The following NAT10 variants were observed in gnomAD, a reference collection of about 807,000 sequenced individuals.
The protein encoded by NAT10 is RNA cytidine acetyltransferase.
Under a neutral mutation model 132.2 loss-of-function variants are expected in NAT10, and 109 were observed. That is an observed-to-expected ratio of 0.82 (90% confidence interval 0.71 to 0.97). The LOEUF is 0.97. Ranked by LOEUF, NAT10 falls within the 50% of genes least tolerant of loss-of-function variation. The pLI is 0.00. For missense variants in NAT10, 1,184 were observed against 1,263.4 expected (o/e 0.94, Z 0.95); for synonymous variants, 479 against 478.0 (o/e 1.00, Z -0.03).
chr11:34,132,991 A>G (rs999613243), intron 15 of NAT10, 35 bp from the exon 16 acceptor site: 2 of 1,533,902 alleles, frequency 1.3e-6, no homozygotes, highest in South Asian at 1.1e-5. Flanking sequence ...CAAGAGGAAG[A>G]GTGCTTCTCA....
chr11:34,134,040 T>C (rs1262325212), intron 16 of NAT10, among the ~76,000 whole-genome samples: 1 of 150,854 alleles, frequency 6.6e-6, no homozygotes, highest in African/African-American at 2.4e-5. Context: ...GGTAGGCACC[T>C]GTAGTCCCAG....
chr11:34,139,361 ACT>A, intron 22 of NAT10, 22 bp from the exon 23 acceptor site: 5 of 1,613,208 alleles, frequency 3.1e-6, no homozygotes, highest in Non-Finnish European at 4.2e-6. Context: ...CAGACCTCTA[ACT>A]CTGCGTGATG....
intron 24 of NAT10, 111 bp downstream of exon 24, chr11:34,140,683 C>A: frequency 8.0e-7 from 1 of 1,247,556 alleles, no homozygotes; most frequent in Non-Finnish European, 1.1e-6. Context: ...ATTCCTCATA[C>A]ATCTGATAGG....
rs1228132305 is a variant in NAT10 at position 34,134,623 on chromosome 11, T to C, written c.1911+37T>C. The stretch of plus-strand genomic sequence containing the variant: ...TCAGGCTCCCCTGAAGCCGTGTTGC[T>C]GGCGGTGCTTTAGGGTGGGGGTACT... On this transcript the variant is annotated intron_variant, in intron 18 of 28. Coordinates refer to ENST00000257829, the MANE Select transcript of NAT10 (RefSeq NM_024662.3). The C allele has an allele frequency of 2.5e-6, 4 of 1,588,366 alleles. No individual in the cohort carries two copies. The Admixed American group carries it at 5.1e-5, about 20-fold the overall frequency.
At chr11:34,133,728 T>G (rs1852150202) in intron 16 of NAT10, among the ~76,000 whole-genome samples, 1 of 152,184 alleles carries the variant, frequency 6.6e-6, no homozygotes, top group African/African-American at 2.4e-5. Context: ...GCATCCTGTG[T>G]CTTGATGGCC....
chr11:34,141,660 G>A (rs1852334013), intron 25 of NAT10, 59 bp from the exon 26 acceptor site: 7 of 1,500,366 alleles, frequency 4.7e-6, no homozygotes, highest in Non-Finnish European at 6.5e-6. Flanking sequence ...CTGGGTCACG[G>A]GTGACTGGGT....
chr11:34,126,661 A>G (rs1371239699), intron 11 of NAT10, among the ~76,000 whole-genome samples: 3 of 152,204 alleles, frequency 2.0e-5, no homozygotes, highest in Non-Finnish European at 4.4e-5. Flanking sequence ...TTTAACAGCT[A>G]TTTAAGTTTT....
In NAT10 at chr11:34,138,984, C is replaced by A. The variant is rs1852268383; in HGVS notation, c.2212-207C>A. The stretch of plus-strand genomic sequence containing the variant: ...TTTGAGGAGATTGCAGGACAGTGAT[C>A]TTTGCAGCTGTTGTGTGTGAACTGA... On this transcript the variant is annotated intron_variant, in intron 21 of 28. Transcript: ENST00000257829. 2.7e-5 allele frequency: 15 copies of A among 559,704 alleles called. No individual in the cohort carries two copies. The East Asian group carries it at 4.1e-4, about 15-fold the overall frequency. 34.7% of individuals were successfully genotyped at this position (559,704 alleles called of 1,614,324 possible). A position where few individuals can be genotyped will look rare whatever the true frequency, so the allele number is the denominator to read the frequency against.
chr11:34,118,916 C>T (rs1851835031), intron 8 of NAT10, among the ~76,000 whole-genome samples: 1 of 152,134 alleles, frequency 6.6e-6, no homozygotes, highest in Non-Finnish European at 1.5e-5. Flanking sequence ...GGACAGATTA[C>T]ATTGAAAGAG....
At chr11:34,107,487 A>G (rs943311964) in intron 1 of NAT10, among the ~76,000 whole-genome samples, 2 of 152,248 alleles carry the variant, frequency 1.3e-5, no homozygotes, top group Non-Finnish European at 2.9e-5. Flanking sequence ...TAAAAGTCCC[A>G]CCATCCAGAA....
Position 34,136,683 on chromosome 11 carries a change from C to A in NAT10, c.2070C>A (p.Asp690Glu). 6.2e-7 allele frequency: 1 copy of A among 1,614,190 alleles called. No individual in the cohort carries two copies. Among genetic ancestry groups the A allele is most frequent in the Non-Finnish European group, 8.5e-7 (1 of 1,180,038 alleles). The change falls in exon 20 of 29, where the codon GAC becomes GAA. Residue 690 changes from aspartate to glutamate, a missense_variant. Coordinates refer to ENST00000257829, the MANE Select transcript of NAT10 (RefSeq NM_024662.3). ...LLEEVITPRK[D>E]LPPLLLKLNE... ...AAGAGGTCATCACTCCCCGGAAGGA[C>A]CTGCCTCCTTTACTCCTCAAATTGA...
rs78909042 is a variant in NAT10, at chr11:34,134,425, C to T, written c.1836+5C>T. 593 of 1,614,008 alleles carry T rather than the reference C, an allele frequency of 3.7e-4. 2 individuals are homozygous for T. In the East Asian group the frequency reaches 9.8e-3, roughly 27 times the overall value. ...CCATGGACAGTGTCAGAACAGGTGA[C>T]GGGCTTTCCCTGGTGTGTCTGAGGG... On this transcript the variant is annotated splice_donor_5th_base_variant and intron_variant, in intron 17 of 28. Coordinates refer to ENST00000257829, the MANE Select transcript of NAT10 (RefSeq NM_024662.3).
chr11:34,140,641 G>T, intron 24 of NAT10, 69 bp downstream of exon 24: 1 of 1,532,194 alleles, frequency 6.5e-7, no homozygotes, highest in Non-Finnish European at 8.9e-7. Flanking sequence ...TGGGTGTTGG[G>T]TTGGGCACTT....
intron 11 of NAT10, among the ~76,000 whole-genome samples, chr11:34,126,758 G>C (rs1852000712): frequency 6.6e-6 from 1 of 152,192 alleles, no homozygotes; most frequent in Non-Finnish European, 1.5e-5. Context: ...TGGTTATTCA[G>C]GTTTCCTATA....
intron 28 of NAT10, among the ~76,000 whole-genome samples, chr11:34,145,471 G>T (rs1211373971): frequency 6.6e-6 from 1 of 152,188 alleles, no homozygotes; most frequent in African/African-American, 2.4e-5. Context: ...AATTTAACCT[G>T]TAAGTTTCTT....
chr11:34,132,076 C>T, intron 14 of NAT10, 49 bp from the exon 15 acceptor site: 1 of 1,379,374 alleles, frequency 7.2e-7, no homozygotes, highest in Admixed American at 1.7e-5. Context: ...AGTAGTATGA[C>T]CTGTCTTCGG....
At chr11:34,113,512 C>G (rs1471576687) in intron 4 of NAT10, among the ~76,000 whole-genome samples, 1 of 151,598 alleles carries the variant, frequency 6.6e-6, no homozygotes, top group Non-Finnish European at 1.5e-5. Context: ...TTAAGAGTCC[C>G]TTGGGTTGGG....
rs758062189 is a variant in NAT10, at chr11:34,108,788, G to T, written c.155G>T (p.Arg52Leu). 5.6e-6 allele frequency: 9 copies of T among 1,613,778 alleles called. No homozygotes were observed. The African/African-American group carries it at 1.2e-4, about 22-fold the overall frequency. Reference protein sequence around the residue: ...HMLSKATVKARPSVLWCYKKE... With the variant: ...HMLSKATVKALPSVLWCYKKE... Reference sequence around the variant, plus strand: ...TTATCCAAAGCAACTGTGAAGGCTCGGCCTTCAGTGCTGTGGTGTTATAAG... The same window carrying T: ...TTATCCAAAGCAACTGTGAAGGCTCTGCCTTCAGTGCTGTGGTGTTATAAG... The change falls in exon 3 of 29, where the codon CGG becomes CTG. Residue 52 changes from arginine (R) to leucine (L), a missense_variant. Physicochemically the swap from Arg to Leu is moderately radical, Grantham distance 102. Coordinates refer to ENST00000257829, the MANE Select transcript of NAT10 (RefSeq NM_024662.3).
At chr11:34,139,826 G>A (rs1852288140) in intron 23 of NAT10, among the ~76,000 whole-genome samples, 1 of 152,154 alleles carries the variant, frequency 6.6e-6, no homozygotes. Context: ...TCATGAAATT[G>A]TAATAAGAAT....
Sources: gnomAD v4.1 joint callset for allele counts (sites outside exome capture counted in the v4.1 genomes callset) on GRCh38, gnomAD v4.1.1 for gene constraint, MANE v1.5 for transcripts, NCBI Gene and HGNC (gene_info 2026-07-23, HGNC 2026-07-21) for gene names.